The following JMY variants were observed in gnomAD, a reference collection of about 807,000 sequenced individuals.
JMY encodes junction mediating and regulatory protein, p53 cofactor.
A neutral mutation model predicts 103.3 loss-of-function variants in JMY; 46 were observed. The ratio of observed to expected loss-of-function variants is 0.45; its 90% confidence interval spans 0.35 to 0.57. The LOEUF (loss-of-function observed/expected upper bound fraction) is 0.57, where lower values mean the gene tolerates loss of function less well. Ranked by LOEUF, JMY falls within the 20% of genes least tolerant of loss-of-function variation. The probability of loss-of-function intolerance (pLI) is 0.00; values close to 1 mark genes in which losing one functional copy is unlikely to be tolerated. For synonymous variants in JMY, 526 were observed against 489.3 expected, an observed-to-expected ratio of 1.07 and a Z score of -0.99; for missense variants, 1,238 against 1,255.2, an observed-to-expected ratio of 0.99 and a Z score of 0.21.
chr5:79,266,001 C>G (rs1254997701), intron 1 of JMY, among the ~76,000 whole-genome samples: 1 of 152,014 alleles, frequency 6.6e-6, no homozygotes, highest in Non-Finnish European at 1.5e-5. Flanking sequence ...ATGCTGGTCT[C>G]GAACTCCTGA....
At chr5:79,312,251 A>C (rs1336588894) in intron 7 of JMY, 152 bp from the exon 8 acceptor site, 1 of 447,036 alleles carries the variant, frequency 2.2e-6, no homozygotes, top group African/African-American at 2.0e-5. Context: ...TTCATGAAGT[A>C]TTAAAAATAT....
chr5:79,236,823 C>G lies in JMY; in HGVS notation c.173C>G (p.Ser58Cys). The change falls in exon 1 of 11, where the codon TCC becomes TGC. Residue 58 changes from serine (S) to cysteine (C), a missense_variant. By Grantham distance (112) the Ser-to-Cys change is moderately radical. Transcript: ENST00000396137. The part of the protein sequence containing the change: ...NRTAQRQRSG[S>C]REQAGARGGA... ...ACGGCCCAGAGGCAGAGGAGCGGCTCCCGGGAGCAAGCGGGGGCGCGAGGG... is the reference window on the plus strand; with the variant it reads ...ACGGCCCAGAGGCAGAGGAGCGGCTGCCGGGAGCAAGCGGGGGCGCGAGGG... The G allele has an allele frequency of 6.8e-7, 1 of 1,469,768 alleles. No homozygotes were observed. The highest frequency in any genetic ancestry group is 9.0e-7 in the Non-Finnish European group (1 of 1,106,022). The allele number at this position is 1,469,768 out of a possible 1,614,324, so 91.0% of individuals were successfully genotyped here. A position where few individuals can be genotyped will look rare whatever the true frequency, so the allele number is the denominator to read the frequency against.
At position 79,320,638 on chromosome 5, in the gene JMY, AG is replaced by A. The variant is rs548823996; in HGVS notation, c.*4-967del. ...TGTAGGAGTCTTCTAAAGTAACTATAGCAATGTAGTTCAAAGGAAATATAGT... is the reference window on the plus strand; with the variant it reads ...TGTAGGAGTCTTCTAAAGTAACTATACAATGTAGTTCAAAGGAAATATAGT... On this transcript the variant is annotated intron_variant, in intron 10 of 10. Coordinates refer to ENST00000396137, the MANE Select transcript of JMY (RefSeq NM_152405.5). Among the ~76,000 whole-genome samples the A allele has an allele frequency of 5.3e-5, 8 of 152,280 alleles. No homozygotes were observed. The South Asian group carries it at 1.5e-3, about 28-fold the overall frequency.
rs970195648 is a variant in JMY, at chr5:79,236,537, A to C, written c.-114A>C. 15 of 801,612 alleles carry C rather than the reference A, an allele frequency of 1.9e-5. No individual in the cohort carries two copies. Among genetic ancestry groups the C allele is most frequent in the Non-Finnish European group, 2.4e-5 (14 of 579,062 alleles). 49.7% of individuals were successfully genotyped at this position (801,612 alleles called of 1,614,324 possible). On this transcript the variant is annotated 5_prime_UTR_variant, in exon 1 of 11. Coordinates refer to ENST00000396137, the MANE Select transcript of JMY (RefSeq NM_152405.5). The stretch of plus-strand genomic sequence containing the variant: ...AGCCGGGAGAGCCGGCCGGCGCACT[A>C]AGATGGCTGAAGGCGCCCGGCGAGG...
rs190184394 is a variant in JMY, at chr5:79,236,656, G to C, written c.6G>C (p.Ser2=). The change falls in exon 1 of 11, where the codon TCG becomes TCC. Residue 2 remains serine (S), a synonymous_variant. Transcript: ENST00000396137. ...GGCGAGAAGCCGGAGCCACCATGTC[G>C]TTCGCGCTGGAGGAGACGCTCGAGT... M[S]FALEETLESD... is the part of the protein sequence containing the mutation. 4 of 1,417,706 alleles carry C rather than the reference G, an allele frequency of 2.8e-6. No individual in the cohort carries two copies. Among genetic ancestry groups the C allele is most frequent in the Non-Finnish European group, 3.7e-6 (4 of 1,072,724 alleles). 87.8% of individuals were successfully genotyped at this position (1,417,706 alleles called of 1,614,324 possible).
Position 79,321,821 on chromosome 5 carries a change from T to G in JMY, c.*219T>G, listed in dbSNP as rs1747459575. 1 of 152,216 alleles carries G rather than the reference T, an allele frequency of 6.6e-6. No individual in the cohort carries two copies. The highest frequency in any genetic ancestry group is 6.5e-5 in the Admixed American group (1 of 15,274). The allele number at this position is 152,216 out of a possible 1,614,324, so 9.4% of individuals were successfully genotyped here. On this transcript the variant is annotated 3_prime_UTR_variant, in exon 11 of 11. Transcript: ENST00000396137. ...ATTTTACATGTGCAATGTTCCTGAC[T>G]GCAATGAAGAAAAGGCCTTCTGGAG...
At chr5:79,285,044 CA>C (rs1347164465) in intron 2 of JMY, 1 of 615,980 alleles carries the variant, frequency 1.6e-6, no homozygotes, top group Non-Finnish European at 2.8e-6. Context: ...GGACTATACT[CA>C]TCATCTTGAT....
At chr5:79,278,170 T>TAAAAAA in intron 2 of JMY, 87 bp downstream of exon 2, 1 of 651,988 alleles carries the variant, frequency 1.5e-6, no homozygotes, top group Non-Finnish European at 2.3e-6. Flanking sequence ...AGAGGAACTT[T>TAAAAAA]AAAAAAAAAA....
chr5:79,314,628 A>ACCACCCCC lies in JMY; in HGVS notation c.2438_2439insACCCCCCC (p.Pro816LeufsTer75). 2 of 1,128,830 alleles carry ACCACCCCC rather than the reference A, an allele frequency of 1.8e-6. No individual in the cohort carries two copies. The highest frequency in any genetic ancestry group is 2.5e-6 in the Non-Finnish European group (2 of 797,272). The allele number at this position is 1,128,830 out of a possible 1,614,324, so 69.9% of individuals were successfully genotyped here. A position where few individuals can be genotyped will look rare whatever the true frequency, so the allele number is the denominator to read the frequency against. On this transcript the variant is annotated frameshift_variant, in exon 9 of 11. Transcript: ENST00000396137. LOFTEE classifies it high-confidence loss of function. The stretch of plus-strand genomic sequence containing the variant: ...CATCCCCTCTTCCTCCAACACCACC[A>ACCACCCCC]CCTCCCCCACCTCCTCCCCCTCCCC...
intron 1 of JMY, among the ~76,000 whole-genome samples, chr5:79,250,411 T>A (rs1745046068): frequency 6.6e-6 from 1 of 152,186 alleles, no homozygotes; most frequent in Non-Finnish European, 1.5e-5. Flanking sequence ...TTTTTTCTTG[T>A]CAATTTTATT....
At chr5:79,304,359 A>G (rs1746821953) in intron 6 of JMY, among the ~76,000 whole-genome samples, 1 of 152,204 alleles carries the variant, frequency 6.6e-6, no homozygotes, top group Non-Finnish European at 1.5e-5. Context: ...CCTTGTTTAC[A>G]TATCAACATG....
intron 1 of JMY, among the ~76,000 whole-genome samples, chr5:79,260,676 C>T (rs184827282): frequency 7.1e-4 from 108 of 151,834 alleles, no homozygotes; most frequent in Admixed American, 2.5e-3. Context: ...CAGGCATGAG[C>T]GACCACACCT....
In JMY at chr5:79,321,687, G is replaced by A. The variant is rs1747455421; in HGVS notation, c.*85G>A. On this transcript the variant is annotated 3_prime_UTR_variant, in exon 11 of 11. Coordinates refer to ENST00000396137, the MANE Select transcript of JMY (RefSeq NM_152405.5). ...GACAGTTTAAGCACTTGGTTCCTCA[G>A]TTGGATAACATTAGATCCAAAGTTC... is the stretch of plus-strand genomic sequence containing the variant. The A allele has an allele frequency of 6.6e-6, 1 of 152,138 alleles. No homozygotes were observed. Among genetic ancestry groups the A allele is most frequent in the Non-Finnish European group, 1.5e-5 (1 of 68,026 alleles). 9.4% of individuals were successfully genotyped at this position (152,138 alleles called of 1,614,324 possible).
chr5:79,261,146 C>T (rs1745408062), intron 1 of JMY, among the ~76,000 whole-genome samples: 1 of 152,100 alleles, frequency 6.6e-6, no homozygotes, highest in Non-Finnish European at 1.5e-5. Flanking sequence ...AATAAGATGG[C>T]TACAAGATGA....
chr5:79,267,379 A>T (rs1200688035), intron 1 of JMY, among the ~76,000 whole-genome samples: 1 of 152,164 alleles, frequency 6.6e-6, no homozygotes, highest in Admixed American at 6.6e-5. Context: ...GGAGTGCTCC[A>T]TCTGTTCATT....
At chr5:79,303,575 T>C (rs557071386) in intron 6 of JMY, among the ~76,000 whole-genome samples, 46 of 152,282 alleles carry the variant, frequency 3.0e-4, no homozygotes, top group African/African-American at 1.1e-3. Flanking sequence ...TGCTGTGATG[T>C]AGTGCGAGGA....
chr5:79,290,673 T>C (rs1328847481), intron 3 of JMY, among the ~76,000 whole-genome samples: 1 of 152,174 alleles, frequency 6.6e-6, no homozygotes, highest in African/African-American at 2.4e-5. Context: ...CATTAGAATC[T>C]AAGATACTCT....
intron 1 of JMY, among the ~76,000 whole-genome samples, chr5:79,273,954 C>G (rs565430349): frequency 6.6e-6 from 1 of 152,114 alleles, no homozygotes; most frequent in African/African-American, 2.4e-5. Flanking sequence ...CCTCAGCCTC[C>G]CGAGTAGCTG....
At chr5:79,307,585 A>G (rs988474742) in intron 7 of JMY, among the ~76,000 whole-genome samples, 4 of 152,108 alleles carry the variant, frequency 2.6e-5, no homozygotes, top group African/African-American at 9.7e-5. Flanking sequence ...GACTACAGGT[A>G]TGGACTCCTG....
Sources: gnomAD v4.1 joint callset for allele counts (sites outside exome capture counted in the v4.1 genomes callset) on GRCh38, gnomAD v4.1.1 for gene constraint, MANE v1.5 for transcripts, NCBI Gene and HGNC (gene_info 2026-07-23, HGNC 2026-07-21) for gene names.